The following CBFB variants were observed in gnomAD, a reference collection of about 807,000 sequenced individuals.
The protein encoded by CBFB is core-binding factor subunit beta.
CBFB carries 9 observed loss-of-function variants against 30.4 expected under a neutral mutation model. The ratio of observed to expected loss-of-function variants is 0.30; its 90% CI spans 0.18 to 0.52. CBFB has a LOEUF of 0.52. Among genes scored for constraint, CBFB ranks in the 20% least tolerant of loss-of-function variants. The pLI, the probability that CBFB is intolerant of heterozygous loss-of-function variation, is 0.97. For synonymous variants in CBFB, 94 were observed against 84.0 expected, an observed-to-expected ratio of 1.12 and a Z score of -0.65; for missense variants, 170 against 244.0, an observed-to-expected ratio of 0.70 and a Z score of 2.02.
At chr16:67,089,166 G>T (rs1467399480) in intron 5 of CBFB, among the ~76,000 whole-genome samples, 2 of 152,176 alleles carry the variant, frequency 1.3e-5, no homozygotes, top group African/African-American at 4.8e-5. Flanking sequence ...GTGAAATGAA[G>T]AAGCATTGTT....
chr16:67,032,485 G>A (rs1966368273), intron 2 of CBFB, among the ~76,000 whole-genome samples: 1 of 152,176 alleles, frequency 6.6e-6, no homozygotes, highest in Non-Finnish European at 1.5e-5. Flanking sequence ...TATTTGGAGA[G>A]GAATTTCACG....
intron 3 of CBFB, among the ~76,000 whole-genome samples, chr16:67,060,194 G>C (rs912432350): frequency 2.6e-5 from 4 of 152,000 alleles, no homozygotes; most frequent in African/African-American, 9.6e-5. Flanking sequence ...GCCCTGGCTG[G>C]TCTCAAACTC....
chr16:67,091,976 C>T (rs1483212036), intron 5 of CBFB, among the ~76,000 whole-genome samples: 1 of 152,062 alleles, frequency 6.6e-6, no homozygotes, highest in Non-Finnish European at 1.5e-5. Flanking sequence ...CGGGTTCAAG[C>T]GATTCTCCTG....
chr16:67,033,519 C>T lies in CBFB; in HGVS notation c.166-3120C>T, dbSNP rs562330289. 5.9e-5 allele frequency among the ~76,000 whole-genome samples: 9 copies of T among 151,656 alleles called. No individual in the cohort carries two copies. In the South Asian group the frequency reaches 1.5e-3, roughly 25 times the overall value. On this transcript the variant is annotated intron_variant, in intron 2 of 5. Transcript: ENST00000412916. ...TATTTTTAGTAGAGATGGGTTTCAC[C>T]ATGTTGGCCAGGCTGGTCTCCAACT...
At chr16:67,034,461 G>A (rs1966408787) in intron 2 of CBFB, among the ~76,000 whole-genome samples, 2 of 152,010 alleles carry the variant, frequency 1.3e-5, no homozygotes, top group Admixed American at 1.3e-4. Context: ...TAATATTTTG[G>A]AACAGACTTT....
chr16:67,034,998 C>T (rs1379293525), intron 2 of CBFB, among the ~76,000 whole-genome samples: 1 of 151,996 alleles, frequency 6.6e-6, no homozygotes, highest in East Asian at 1.9e-4. Context: ...TGGGCAGTTT[C>T]CCTCCCAGAA....
At chr16:67,055,395 C>T (rs1015508904) in intron 3 of CBFB, among the ~76,000 whole-genome samples, 1 of 100,502 alleles carries the variant, frequency 1.0e-5, no homozygotes, top group Non-Finnish European at 1.8e-5. Context: ...GAGACGGAGT[C>T]TCGCTCTGTC....
rs540433834 is a variant in CBFB, at chr16:67,079,516, T to C, written c.400-2697T>C. Among the ~76,000 whole-genome samples the C allele has an allele frequency of 5.3e-3, 212 of 39,756 alleles. 1 individual carries two copies. Among genetic ancestry groups the C allele is most frequent in the African/African-American group, 0.026 (202 of 7,802 alleles). 26.1% of individuals were successfully genotyped at this position (39,756 alleles called of 152,430 possible). ...ATTATGTTATCAGAGGCCCTGGGTC[T>C]TTTTTTTTTTTTTTTTTTTTTTGAC... is the stretch of plus-strand genomic sequence containing the variant. On this transcript the variant is annotated intron_variant, in intron 4 of 5. Coordinates refer to ENST00000412916, the MANE Select transcript of CBFB (RefSeq NM_022845.3).
rs35804914 is a variant in CBFB at position 67,037,666 on chromosome 16, A to ATTTTTTTTTTTT, written c.282+919_282+930dup. On this transcript the variant is annotated intron_variant, in intron 3 of 5. Coordinates refer to ENST00000412916, the MANE Select transcript of CBFB (RefSeq NM_022845.3). ...CGTTAAATGTATTATGATTTTGGTA[A>ATTTTTTTTTTTT]TTTTTTTTTTTTTTTTTTTGAGATG... is the stretch of plus-strand genomic sequence containing the variant. 7.6e-3 allele frequency among the ~76,000 whole-genome samples: 985 copies of ATTTTTTTTTTTT among 129,134 alleles called. 25 individuals are homozygous for ATTTTTTTTTTTT. Among genetic ancestry groups the ATTTTTTTTTTTT allele is most frequent in the African/African-American group, 0.029 (947 of 32,266 alleles). The allele number at this position is 129,134 out of a possible 152,430, so 84.7% of individuals were successfully genotyped here.
At chr16:67,057,672 TCA>T (rs764333342) in intron 3 of CBFB, among the ~76,000 whole-genome samples, 5 of 152,214 alleles carry the variant, frequency 3.3e-5, no homozygotes, top group Non-Finnish European at 5.9e-5. Flanking sequence ...GAACTTTTTT[TCA>T]TAATTTTTGG....
At chr16:67,041,768 CTTTTTTTTT>C in intron 3 of CBFB, among the ~76,000 whole-genome samples, 1 of 98,900 alleles carries the variant, frequency 1.0e-5, no homozygotes, top group African/African-American at 3.9e-5. Context: ...TGTTTCTTTA[CTTTTTTTTT>C]TTTTTTTTTT....
At chr16:67,075,958 A>G (rs1567619422) in intron 4 of CBFB, among the ~76,000 whole-genome samples, 1 of 152,196 alleles carries the variant, frequency 6.6e-6, no homozygotes, top group African/African-American at 2.4e-5. Flanking sequence ...TTAACTGGGT[A>G]CAGTGGCTCA....
At chr16:67,042,561 C>T (rs75409793) in intron 3 of CBFB, among the ~76,000 whole-genome samples, 4,578 of 152,298 alleles carry the variant, frequency 0.03, 77 homozygotes, top group Admixed American at 0.034. Flanking sequence ...GGACTGACTG[C>T]ACTGGGTGGT....
intron 3 of CBFB, among the ~76,000 whole-genome samples, chr16:67,047,075 G>A (rs1966639654): frequency 6.6e-6 from 1 of 151,824 alleles, no homozygotes; most frequent in Non-Finnish European, 1.5e-5. Flanking sequence ...ACTTTAGGAG[G>A]CCAAGGCAGG....
At chr16:67,035,139 G>A (rs1356451808) in intron 2 of CBFB, among the ~76,000 whole-genome samples, 1 of 152,040 alleles carries the variant, frequency 6.6e-6, no homozygotes, top group Admixed American at 6.6e-5. Flanking sequence ...GAGCACAGTG[G>A]TGCAATCTCG....
intron 3 of CBFB, among the ~76,000 whole-genome samples, chr16:67,064,949 G>A (rs1361182507): frequency 6.6e-6 from 1 of 152,072 alleles, no homozygotes; most frequent in African/African-American, 2.4e-5. Flanking sequence ...CCAGGCTGGA[G>A]TGCAGTGGCA....
chr16:67,033,674 C>T (rs1341105942), intron 2 of CBFB, among the ~76,000 whole-genome samples: 1 of 150,322 alleles, frequency 6.7e-6, no homozygotes, highest in Non-Finnish European at 1.5e-5. Flanking sequence ...TGCAGTGGCA[C>T]GATCTCGGCT....
chr16:67,064,024 G>A (rs2145747254), intron 3 of CBFB, among the ~76,000 whole-genome samples: 1 of 152,264 alleles, frequency 6.6e-6, no homozygotes, highest in South Asian at 2.1e-4. Context: ...TTTGGTGCAG[G>A]TAAATGAAAA....
At chr16:67,043,227 C>T (rs1156544795) in intron 3 of CBFB, among the ~76,000 whole-genome samples, 3 of 152,098 alleles carry the variant, frequency 2.0e-5, no homozygotes, top group Non-Finnish European at 2.9e-5. Context: ...TCTTGGAGGC[C>T]AGCTACAATA....
Sources: gnomAD v4.1 joint callset for allele counts (sites outside exome capture counted in the v4.1 genomes callset) on GRCh38, gnomAD v4.1.1 for gene constraint, MANE v1.5 for transcripts, NCBI Gene and HGNC (gene_info 2026-07-23, HGNC 2026-07-21) for gene names.